Variants in CNNM4 observed in about 807,000 individuals in gnomAD.
CNNM4 encodes metal transporter CNNM4.
A neutral mutation model predicts 53.7 loss-of-function variants in CNNM4; 32 were observed. The ratio of observed to expected loss-of-function variants is 0.60; its 90% CI spans 0.45 to 0.80. The LOEUF is 0.80. CNNM4 is among the 30% of genes least tolerant of loss of function. The probability of loss-of-function intolerance (pLI) is 0.00; values close to 1 mark genes in which losing one functional copy is unlikely to be tolerated. For missense variants in CNNM4, 784 were observed against 1,022.0 expected, an observed-to-expected ratio of 0.77 and a Z score of 3.17; for synonymous variants, 410 against 440.0, an observed-to-expected ratio of 0.93 and a Z score of 0.85.
chr2:96,781,418 T>C (rs2078974574), intron 1 of CNNM4, among the ~76,000 whole-genome samples: 1 of 152,022 alleles, frequency 6.6e-6, no homozygotes, highest in Non-Finnish European at 1.5e-5. Context: ...GGCACAATCA[T>C]AGCTCACTGC....
Position 96,761,587 on chromosome 2 carries a change from G to C in CNNM4, c.588G>C (p.Ser196=). The C allele has an allele frequency of 2.5e-6, 4 of 1,614,058 alleles. No individual in the cohort carries two copies. The highest frequency in any genetic ancestry group is 3.4e-6 in the Non-Finnish European group (4 of 1,179,994). The part of the protein sequence containing the change: ...ILLITVLLVL[S]GIFSGLNLGL... ...TAATTACGGTGCTGCTGGTGCTGTC[G>C]GGCATATTTTCTGGCCTCAACCTCG... The change falls in exon 1 of 7, where the codon TCG becomes TCC. Residue 196 remains serine (S), a synonymous_variant. Transcript: ENST00000377075. This position sits in a 1 kb window ranked among gnomAD's most constrained non-coding sequence, Gnocchi z 6.0.
intron 1 of CNNM4, among the ~76,000 whole-genome samples, chr2:96,785,795 C>A (rs891710065): frequency 6.6e-6 from 1 of 151,742 alleles, no homozygotes; most frequent in Non-Finnish European, 1.5e-5. Flanking sequence ...CAGAGAGAGA[C>A]CCTGTCTCTA....
At chr2:96,772,681 ACT>A (rs1323001125) in intron 1 of CNNM4, among the ~76,000 whole-genome samples, 27 of 99,084 alleles carry the variant, frequency 2.7e-4, no homozygotes, top group African/African-American at 9.9e-4. Context: ...ACACACACAC[ACT>A]CATACCCCCA....
chr2:96,800,401 C>T lies in CNNM4; in HGVS notation c.1948+753C>T, dbSNP rs748758863. On this transcript the variant is annotated intron_variant, in intron 5 of 6. Transcript: ENST00000377075. The surrounding 1 kb of genome is among the most constrained non-coding windows in gnomAD (Gnocchi z 4.6). ...CACTTTGGTGCTGGAGAACAGGCCA[C>T]GCCAGTGGGGTACGAGCTGCAGCTC... 2.0e-5 allele frequency among the ~76,000 whole-genome samples: 3 copies of T among 152,222 alleles called. No homozygotes were observed. Among genetic ancestry groups the T allele is most frequent in the Non-Finnish European group, 2.9e-5 (2 of 68,026 alleles).
At chr2:96,790,407 T>G (rs1254173215) in intron 1 of CNNM4, among the ~76,000 whole-genome samples, 1 of 151,758 alleles carries the variant, frequency 6.6e-6, no homozygotes, top group African/African-American at 2.4e-5. Flanking sequence ...CAGGCTGGAG[T>G]GCAATGGCAC....
At chr2:96,763,482 C>T (rs941983195) in intron 1 of CNNM4, among the ~76,000 whole-genome samples, 35 of 152,168 alleles carry the variant, frequency 2.3e-4, no homozygotes, top group African/African-American at 8.4e-4. Context: ...GGGGCTCATC[C>T]TAAACTTGGG....
At chr2:96,806,885 A>G (rs2153351390) in intron 5 of CNNM4, among the ~76,000 whole-genome samples, 1 of 152,266 alleles carries the variant, frequency 6.6e-6, no homozygotes, top group Non-Finnish European at 1.5e-5. Context: ...AGATTGTTAC[A>G]ACTCTGCCTC....
intron 1 of CNNM4, chr2:96,788,598 G>C (rs935371154): frequency 6.6e-6 from 1 of 152,316 alleles, no homozygotes; most frequent in African/African-American, 2.4e-5. Flanking sequence ...TTAATCCTGC[G>C]GGAGCTTGGG....
At position 96,809,451 on chromosome 2, in the gene CNNM4, G is replaced by C; in HGVS notation, c.2262G>C (p.Glu754Asp). Residue 754 changes from glutamate (E) to aspartate (D), a missense_variant, in exon 7 of 7, where the codon GAG becomes GAC. Glu to Asp is a conservative substitution (Grantham distance 45). Coordinates refer to ENST00000377075, the MANE Select transcript of CNNM4 (RefSeq NM_020184.4). Reference protein sequence around the residue: ...AEKSELPVVDETTTLLNERNS... With the variant: ...AEKSELPVVDDTTTLLNERNS... ...AGTCTGAGCTGCCTGTGGTGGACGA[G>C]ACCACAACTCTTCTCAACGAGCGTA... 1 of 1,614,174 alleles carries C rather than the reference G, an allele frequency of 6.2e-7. No individual in the cohort carries two copies. Among genetic ancestry groups the C allele is most frequent in the Non-Finnish European group, 8.5e-7 (1 of 1,180,010 alleles).
At chr2:96,790,348 G>T (rs1195791513) in intron 1 of CNNM4, among the ~76,000 whole-genome samples, 9 of 147,558 alleles carry the variant, frequency 6.1e-5, no homozygotes, top group Admixed American at 3.4e-4. Context: ...GTGTTTTTTT[G>T]TTTGTTTATT....
Position 96,760,917 on chromosome 2 carries a change from A to T in CNNM4, c.-83A>T. On this transcript the variant is annotated 5_prime_UTR_variant, in exon 1 of 7. Transcript: ENST00000377075. ...CGGCCCGGGCAGTTGGCTCGGCGGC[A>T]GCGGAGCGGCCGGAGCTGCGGTGCG... 1.3e-6 allele frequency: 1 copy of T among 767,330 alleles called. No homozygotes were observed. The highest frequency in any genetic ancestry group is 1.6e-6 in the Non-Finnish European group (1 of 630,554). 47.5% of individuals were successfully genotyped at this position (767,330 alleles called of 1,614,324 possible).
At chr2:96,775,243 C>A (rs1344043057) in intron 1 of CNNM4, among the ~76,000 whole-genome samples, 1 of 152,088 alleles carries the variant, frequency 6.6e-6, no homozygotes, top group African/African-American at 2.4e-5. Context: ...CCCTCCCAGT[C>A]CCTGCCCTGC....
chr2:96,783,793 T>G (rs968897995), intron 1 of CNNM4, among the ~76,000 whole-genome samples: 2 of 152,224 alleles, frequency 1.3e-5, no homozygotes, highest in African/African-American at 2.4e-5. Flanking sequence ...CAATGGGGAC[T>G]GGGATTGTGT....
chr2:96,795,420 A>G (rs1402324802), intron 1 of CNNM4, among the ~76,000 whole-genome samples: 1 of 152,166 alleles, frequency 6.6e-6, no homozygotes, highest in Non-Finnish European at 1.5e-5. Context: ...TTTTGACCAG[A>G]ACCTGTAGTG....
rs1433483203 is a variant in CNNM4 at position 96,761,932 on chromosome 2, A to G, written c.933A>G (p.Leu311=). 1.2e-6 allele frequency: 2 copies of G among 1,613,836 alleles called. No homozygotes were observed. The highest frequency in any genetic ancestry group is 1.7e-6 in the Non-Finnish European group (2 of 1,179,970). Residue 311 remains leucine (L), a synonymous_variant, in exon 1 of 7, where the codon CTA becomes CTG. Coordinates refer to ENST00000377075, the MANE Select transcript of CNNM4 (RefSeq NM_020184.4). This position sits in a 1 kb window ranked among gnomAD's most constrained non-coding sequence, Gnocchi z 6.0. The part of the protein sequence containing the change: ...NTILLTKFFM[L]LTFPLSFPIS... The stretch of plus-strand genomic sequence containing the variant: ...TCCTTCTCACCAAATTCTTTATGCT[A>G]CTCACCTTCCCCCTCAGTTTTCCCA...
intron 1 of CNNM4, among the ~76,000 whole-genome samples, chr2:96,776,356 T>G (rs1434042220): frequency 6.6e-6 from 1 of 151,978 alleles, no homozygotes; most frequent in Non-Finnish European, 1.5e-5. Flanking sequence ...AATTTACTTT[T>G]ATTGATACAT....
At chr2:96,796,982 T>C in intron 1 of CNNM4, 30 bp from the exon 2 acceptor site, 1 of 1,611,288 alleles carries the variant, frequency 6.2e-7, no homozygotes, top group Non-Finnish European at 8.5e-7. Flanking sequence ...GCCTCTGGGC[T>C]CTTGTCTGAC....
chr2:96,761,560 C>T lies in CNNM4; in HGVS notation c.561C>T (p.Leu187=), dbSNP rs1027643631. The change falls in exon 1 of 7, where the codon CTC becomes CTT. Residue 187 remains leucine, a synonymous_variant. Transcript: ENST00000377075. The surrounding 1 kb of genome is among the most constrained non-coding windows in gnomAD (Gnocchi z 6.0). ...GRFLPLWLHI[L]LITVLLVLSG... is the part of the protein sequence containing the mutation. Reference sequence around the variant, plus strand: ...TCCTGCCTCTCTGGCTGCACATTCTCCTAATTACGGTGCTGCTGGTGCTGT... The same window carrying T: ...TCCTGCCTCTCTGGCTGCACATTCTTCTAATTACGGTGCTGCTGGTGCTGT... 27 of 1,613,988 alleles carry T rather than the reference C, an allele frequency of 1.7e-5. No individual in the cohort carries two copies. The highest frequency in any genetic ancestry group is 2.3e-5 in the Non-Finnish European group (27 of 1,179,988).
At position 96,808,818 on chromosome 2, in the gene CNNM4, C is replaced by A; in HGVS notation, c.2130+76C>A. 2 of 1,468,374 alleles carry A rather than the reference C, an allele frequency of 1.4e-6. No homozygotes were observed. The highest frequency in any genetic ancestry group is 9.5e-7 in the Non-Finnish European group (1 of 1,052,022). The allele number at this position is 1,468,374 out of a possible 1,614,324, so 91.0% of individuals were successfully genotyped here. On this transcript the variant is annotated intron_variant, in intron 6 of 6. Transcript: ENST00000377075. This position sits in a 1 kb window ranked among gnomAD's most constrained non-coding sequence, Gnocchi z 4.9. ...CAGCTACTACTTTCATCCACCAAAC[C>A]CAGCATGGTGGGCCCAAACCCGAGA...
Sources: gnomAD v4.1 joint callset for allele counts (sites outside exome capture counted in the v4.1 genomes callset) on GRCh38, gnomAD v4.1.1 for gene constraint, Gnocchi (gnomAD v3.1) non-coding constraint, MANE v1.5 for transcripts, NCBI Gene and HGNC (gene_info 2026-07-23, HGNC 2026-07-21) for gene names.